Variants in JMJD1C observed in about 807,000 individuals in gnomAD.
The protein encoded by JMJD1C is jumonji domain containing 1C, also known as jumonji domain-containing protein 1C.
A neutral mutation model predicts 245.3 loss-of-function variants in JMJD1C; 31 were observed. The observed-to-expected ratio is 0.13, with a 90% CI of 0.09 to 0.17. JMJD1C has a LOEUF of 0.17. Among genes scored for constraint, JMJD1C ranks in the 10% least tolerant of loss-of-function variants. The pLI is 1.00. For synonymous variants in JMJD1C, 1,057 were observed against 1,017.4 expected (o/e 1.04, Z -0.74); for missense variants, 2,691 against 3,000.2 (o/e 0.90, Z 2.41).
intron 2 of JMJD1C, among the ~76,000 whole-genome samples, chr10:63,305,459 C>CCT (rs371564275): frequency 0.036 from 4,049 of 113,040 alleles, 225 homozygotes; most frequent in Middle Eastern, 0.067. Context: ...ACGCTCTGAC[C>CCT]CTCTCTCTCT....
chr10:63,377,560 C>T (rs907963663), intron 2 of JMJD1C, among the ~76,000 whole-genome samples: 9 of 151,942 alleles, frequency 5.9e-5, no homozygotes, highest in African/African-American at 2.2e-4. Context: ...TGTTGAAAAA[C>T]CCTGTCTCTA....
chr10:63,445,320 A>G (rs1402861787), intron 1 of JMJD1C, among the ~76,000 whole-genome samples: 1 of 152,208 alleles, frequency 6.6e-6, no homozygotes, highest in Non-Finnish European at 1.5e-5. Flanking sequence ...GAAGAGGTCA[A>G]TTTTAGATAA....
At chr10:63,230,776 C>T (rs374931137) in intron 3 of JMJD1C, among the ~76,000 whole-genome samples, 1 of 150,868 alleles carries the variant, frequency 6.6e-6, no homozygotes, top group African/African-American at 2.4e-5. Flanking sequence ...CTGTCCCCCC[C>T]CCCAAAAAAA....
At chr10:63,430,318 G>A (rs190689980) in intron 1 of JMJD1C, among the ~76,000 whole-genome samples, 2 of 152,230 alleles carry the variant, frequency 1.3e-5, no homozygotes, top group East Asian at 3.9e-4. Flanking sequence ...AAAAGCACAA[G>A]TAACAAAAGA....
chr10:63,319,446 T>C (rs771475707), intron 2 of JMJD1C, among the ~76,000 whole-genome samples: 6 of 152,004 alleles, frequency 3.9e-5, no homozygotes, highest in Non-Finnish European at 8.8e-5. Context: ...GTATGTTGTG[T>C]TTCTTTCTTC....
At chr10:63,401,346 G>A (rs1166359404) in intron 1 of JMJD1C, among the ~76,000 whole-genome samples, 1 of 151,962 alleles carries the variant, frequency 6.6e-6, no homozygotes, top group Non-Finnish European at 1.5e-5. Context: ...GATTACTTTG[G>A]CCAACAGGTT....
At chr10:63,434,615 C>T (rs879677797) in intron 1 of JMJD1C, among the ~76,000 whole-genome samples, 3 of 151,950 alleles carry the variant, frequency 2.0e-5, no homozygotes, top group Non-Finnish European at 2.9e-5. Flanking sequence ...CAGTGGCTCA[C>T]GCAGTAAACC....
intron 2 of JMJD1C, among the ~76,000 whole-genome samples, chr10:63,282,281 G>A (rs1220587473): frequency 6.6e-6 from 1 of 152,176 alleles, no homozygotes; most frequent in Non-Finnish European, 1.5e-5. Context: ...TTAAGTATAT[G>A]ATACGATGCA....
At position 63,508,058 on chromosome 10, in the gene JMJD1C, G is replaced by GA. The variant is rs111659021; in HGVS notation, n.113+13679dup. Among the ~76,000 whole-genome samples, 980 of 148,886 alleles carry GA rather than the reference G, an allele frequency of 6.6e-3. 27 individuals carry two copies. Among genetic ancestry groups the GA allele is most frequent in the Admixed American group, 0.047 (703 of 14,930 alleles). ...TTCTCTTCACAGTGTCTTTTGCAGA[G>GA]AAAAAAAAAATTAACTTTAATGAAA... On this transcript the variant is annotated intron_variant and non_coding_transcript_variant, in intron 1 of 3. Coordinates refer to the JMJD1C transcript ENST00000633035.
intron 2 of JMJD1C, among the ~76,000 whole-genome samples, chr10:63,378,748 T>C (rs989808999): frequency 2.6e-5 from 4 of 152,228 alleles, no homozygotes; most frequent in African/African-American, 9.6e-5. Flanking sequence ...TAATTTCTCA[T>C]AAATTGTATC....
At chr10:63,277,323 G>A (rs1856893276) in intron 2 of JMJD1C, among the ~76,000 whole-genome samples, 1 of 151,546 alleles carries the variant, frequency 6.6e-6, no homozygotes, top group Non-Finnish European at 1.5e-5. Flanking sequence ...TTAAGGGTTG[G>A]TGTCTACACA....
At chr10:63,182,608 A>C (rs896017630) in intron 22 of JMJD1C, among the ~76,000 whole-genome samples, 3 of 152,212 alleles carry the variant, frequency 2.0e-5, no homozygotes, top group Non-Finnish European at 4.4e-5. Flanking sequence ...AAGCCAATGG[A>C]GAAGAAAACG....
intron 1 of JMJD1C, among the ~76,000 whole-genome samples, chr10:63,380,825 G>A (rs1280297478): frequency 1.3e-5 from 2 of 152,194 alleles, no homozygotes; most frequent in Non-Finnish European, 2.9e-5. Context: ...TGGTGGGAAT[G>A]TAAATTAGTA....
chr10:63,229,133 GTGTC>G (rs1165582195), intron 3 of JMJD1C, among the ~76,000 whole-genome samples: 3 of 152,030 alleles, frequency 2.0e-5, no homozygotes, highest in African/African-American at 7.2e-5. Flanking sequence ...AGGTGTGTGT[GTGTC>G]TGAGTACATA....
intron 3 of JMJD1C, among the ~76,000 whole-genome samples, chr10:63,254,787 T>C (rs1853624066): frequency 6.6e-6 from 1 of 152,084 alleles, no homozygotes; most frequent in Non-Finnish European, 1.5e-5. Context: ...TGAGCTCAAG[T>C]GATCTGCCTG....
At chr10:63,172,439 G>A (rs978127690) in intron 24 of JMJD1C, among the ~76,000 whole-genome samples, 1 of 152,112 alleles carries the variant, frequency 6.6e-6, no homozygotes, top group Non-Finnish European at 1.5e-5. Flanking sequence ...AAAACATGTT[G>A]TTACTGAGAA....
Position 63,337,335 on chromosome 10 carries a change from G to A in JMJD1C, c.333+42983C>T, listed in dbSNP as rs529626628. 5.8e-4 allele frequency among the ~76,000 whole-genome samples: 87 copies of A among 149,864 alleles called. 1 individual carries two copies. Among genetic ancestry groups the A allele is most frequent in the Admixed American group, 2.8e-3 (42 of 14,880 alleles). On this transcript the variant is annotated intron_variant, in intron 2 of 25. Transcript: ENST00000399262. Reference sequence around the variant, plus strand: ...CACACGCCTGTAGTACCAGCTACTCGGGAGGCTGAGGCAGGAGAATTGCTT... The same window carrying A: ...CACACGCCTGTAGTACCAGCTACTCAGGAGGCTGAGGCAGGAGAATTGCTT...
intron 2 of JMJD1C, among the ~76,000 whole-genome samples, chr10:63,309,915 T>G (rs1202142425): frequency 1.3e-5 from 2 of 150,838 alleles, no homozygotes; most frequent in Admixed American, 1.3e-4. Flanking sequence ...AGATTTCGTC[T>G]CAAAAAAAAA....
At chr10:63,414,745 A>T (rs1949701235) in intron 1 of JMJD1C, among the ~76,000 whole-genome samples, 1 of 151,786 alleles carries the variant, frequency 6.6e-6, no homozygotes, top group Non-Finnish European at 1.5e-5. Context: ...TAACAACAAC[A>T]ACAACAACAA....
Sources: allele counts gnomAD v4.1 joint callset (sites outside exome capture counted in the v4.1 genomes callset), GRCh38; gene constraint gnomAD v4.1.1; transcripts MANE v1.5; gene names NCBI Gene and HGNC (gene_info 2026-07-23, HGNC 2026-07-21).